The following LRRC39 variants were observed in gnomAD, a reference collection of about 807,000 sequenced individuals.
LRRC39 encodes the protein leucine-rich repeat-containing protein 39.
In LRRC39, 35 loss-of-function variants were observed where a neutral mutation model predicts 39.7. The observed-to-expected ratio is 0.88, with a 90% confidence interval of 0.67 to 1.17. The LOEUF is 1.17. Among genes scored for constraint, LRRC39 ranks in the 50% most tolerant of loss-of-function variants. LRRC39 has a pLI of 0.00. For synonymous variants in LRRC39, 113 were observed against 134.1 expected, an observed-to-expected ratio of 0.84 and a Z score of 1.09; for missense variants, 357 against 385.8, an observed-to-expected ratio of 0.93 and a Z score of 0.62.
rs1658789769 is a variant in LRRC39 at position 100,160,456 on chromosome 1, A to T, written c.219+10T>A. The T allele has an allele frequency of 6.2e-7, 1 of 1,605,866 alleles. No individual in the cohort carries two copies. Among genetic ancestry groups the T allele is most frequent in the Admixed American group, 1.7e-5 (1 of 59,344 alleles). On this transcript the variant is annotated intron_variant, in intron 4 of 9. Transcript: ENST00000370137. ...AAATGTGGAAAATCAAATATTCTAT[A>T]AAAGCTTACCTTCCATTCCTCTTTT...
At chr1:100,160,603 G>A in intron 3 of LRRC39, 32 bp from the exon 4 acceptor site, 1 of 1,523,962 alleles carries the variant, frequency 6.6e-7, no homozygotes, top group Non-Finnish European at 9.0e-7. Flanking sequence ...TTAGTTCATA[G>A]ACAATTACAT....
rs1172940292 is a variant in LRRC39, at chr1:100,159,332, GA to G, written c.302del (p.Phe101SerfsTer11). 4 of 1,611,368 alleles carry G rather than the reference GA, an allele frequency of 2.5e-6. No homozygotes were observed. Among genetic ancestry groups the G allele is most frequent in the Non-Finnish European group, 3.4e-6 (4 of 1,178,706 alleles). ...CAATGAGGTTCTGGAATCTTCCAAT[GA>G]ATTCAGGAATTTTCAGCAAACCAGT... ...HRTGLLKIPE[F>X]IGRFQNLIVL... On this transcript the variant is annotated frameshift_variant, in exon 5 of 10. Transcript: ENST00000370137. LOFTEE classifies it high-confidence loss of function.
Position 100,168,542 on chromosome 1 carries a change from C to T in LRRC39, c.-26G>A. On this transcript the variant is annotated 5_prime_UTR_variant, in exon 3 of 10. Transcript: ENST00000370137. Reference sequence around the variant, plus strand: ...GATTTCTCCACATTGTCATAGTCACCAACTTCATTAGGTTTTGAATAGCTG... The same window carrying T: ...GATTTCTCCACATTGTCATAGTCACTAACTTCATTAGGTTTTGAATAGCTG... 6.5e-7 allele frequency: 1 copy of T among 1,550,130 alleles called. No homozygotes were observed. Among genetic ancestry groups the T allele is most frequent in the South Asian group, 1.1e-5 (1 of 86,972 alleles).
At chr1:100,150,020 C>T (rs1657813041) in intron 9 of LRRC39, 1 of 152,364 alleles carries the variant, frequency 6.6e-6, no homozygotes, top group Non-Finnish European at 1.5e-5. Flanking sequence ...AACCTACCAT[C>T]TTCAGTTGTG....
chr1:100,172,372 C>A (rs1276550379), intron 2 of LRRC39, among the ~76,000 whole-genome samples: 1 of 152,194 alleles, frequency 6.6e-6, no homozygotes, highest in African/African-American at 2.4e-5. Flanking sequence ...TACTGGCAAA[C>A]CATATCTGGC....
intron 6 of LRRC39, 54 bp downstream of exon 6, chr1:100,158,177 T>C (rs1266857739): frequency 6.4e-7 from 1 of 1,563,470 alleles, no homozygotes; most frequent in African/African-American, 1.4e-5. Flanking sequence ...ACACATTGAG[T>C]GGTCAACTAC....
intron 2 of LRRC39, among the ~76,000 whole-genome samples, chr1:100,170,199 A>G (rs1384639333): frequency 6.6e-6 from 1 of 152,236 alleles, no homozygotes; most frequent in East Asian, 1.9e-4. Flanking sequence ...GAATGTTGAT[A>G]GAAACAGTAT....
At chr1:100,171,757 A>T (rs1180320572) in intron 2 of LRRC39, among the ~76,000 whole-genome samples, 24 of 148,928 alleles carry the variant, frequency 1.6e-4, no homozygotes. Context: ...CTCCCACCTC[A>T]GCCTCCCAAA....
chr1:100,151,780 A>T (rs1330551256), intron 9 of LRRC39, among the ~76,000 whole-genome samples: 1 of 152,144 alleles, frequency 6.6e-6, no homozygotes, highest in Non-Finnish European at 1.5e-5. Context: ...TGTTCATTAA[A>T]ATCTGTGTTC....
intron 8 of LRRC39, among the ~76,000 whole-genome samples, chr1:100,154,221 A>C (rs1268638073): frequency 6.6e-6 from 1 of 152,246 alleles, no homozygotes; most frequent in Non-Finnish European, 1.5e-5. Context: ...CTAGAAGCCC[A>C]AAAGAGACAA....
rs59271444 is a variant in LRRC39 at position 100,158,856 on chromosome 1, G to GA, written c.376+402dup. ...AGGGACAAGTTTATCCGTGCAATAG[G>GA]AAAAAAAAAAAAATCGAAAACTATT... On this transcript the variant is annotated intron_variant, in intron 5 of 9. Coordinates refer to ENST00000370137, the MANE Select transcript of LRRC39 (RefSeq NM_144620.4). 3.7e-3 allele frequency among the ~76,000 whole-genome samples: 520 copies of GA among 141,060 alleles called. 1 individual carries two copies. The highest frequency in any genetic ancestry group is 9.2e-3 in the African/African-American group (357 of 38,784). The allele number at this position is 141,060 out of a possible 152,430, so 92.5% of individuals were successfully genotyped here.
At chr1:100,170,957 TAGC>T (rs1267322574) in intron 2 of LRRC39, among the ~76,000 whole-genome samples, 1 of 152,188 alleles carries the variant, frequency 6.6e-6, no homozygotes, top group Non-Finnish European at 1.5e-5. Flanking sequence ...AATATATTAA[TAGC>T]AGACAAAATG....
chr1:100,161,113 A>G (rs1274881917), intron 3 of LRRC39, among the ~76,000 whole-genome samples: 3 of 152,192 alleles, frequency 2.0e-5, no homozygotes, highest in African/African-American at 4.8e-5. Context: ...TCTGATACAC[A>G]TACTATAAAA....
At chr1:100,149,560 G>C (rs1657744679) in intron 9 of LRRC39, 1 of 874,804 alleles carries the variant, frequency 1.1e-6, no homozygotes, top group Non-Finnish European at 1.7e-6. Flanking sequence ...AAGTTGATTA[G>C]CTATCTCATA....
At chr1:100,172,817 G>A (rs569725785) in intron 2 of LRRC39, among the ~76,000 whole-genome samples, 57 of 151,826 alleles carry the variant, frequency 3.8e-4, no homozygotes, top group African/African-American at 1.4e-3. Context: ...AAAATTAGCC[G>A]GGCGTGGTGG....
intron 9 of LRRC39, chr1:100,150,443 G>T (rs1657875744): frequency 6.6e-6 from 1 of 152,046 alleles, no homozygotes; most frequent in South Asian, 2.1e-4. Context: ...CATAAAATTT[G>T]TTTTGCATCA....
chr1:100,159,835 A>AAT (rs1322695592), intron 4 of LRRC39, among the ~76,000 whole-genome samples: 1 of 151,924 alleles, frequency 6.6e-6, no homozygotes, highest in African/African-American at 2.4e-5. Context: ...GAAATACACG[A>AAT]ATATTTTTAA....
chr1:100,159,137 A>G, intron 5 of LRRC39, 122 bp downstream of exon 5: 4 of 738,584 alleles, frequency 5.4e-6, no homozygotes, highest in Non-Finnish European at 7.8e-6. Context: ...TTAAATGTTT[A>G]AAATTCTCAA....
rs984463139 is a variant in LRRC39, at chr1:100,155,236, T to C, written c.660-33A>G. The C allele has an allele frequency of 2.7e-6, 4 of 1,499,542 alleles. No homozygotes were observed. In the African/African-American group the frequency reaches 5.7e-5, roughly 22 times the overall value. The allele number at this position is 1,499,542 out of a possible 1,614,324, so 92.9% of individuals were successfully genotyped here. A position where few individuals can be genotyped will look rare whatever the true frequency, so the allele number is the denominator to read the frequency against. On this transcript the variant is annotated intron_variant, in intron 7 of 9. Coordinates refer to ENST00000370137, the MANE Select transcript of LRRC39 (RefSeq NM_144620.4). ...ATTAAGGTTTCTACAATTAATTACA[T>C]ATAATATGAAAATATTGGTTTTGGA...
Sources: allele counts gnomAD v4.1 joint callset (sites outside exome capture counted in the v4.1 genomes callset), GRCh38; gene constraint gnomAD v4.1.1; transcripts MANE v1.5; gene names NCBI Gene and HGNC (gene_info 2026-07-23, HGNC 2026-07-21).